FGF13: variants seen among roughly 807,000 people sequenced by gnomAD.
FGF13 encodes the protein fibroblast growth factor 13.
Under a neutral mutation model 19.5 loss-of-function variants are expected in FGF13, and 2 were observed. The ratio of observed to expected loss-of-function variants is 0.10; its 90% CI spans 0.04 to 0.32. The LOEUF (loss-of-function observed/expected upper bound fraction) is 0.32, where lower values mean the gene tolerates loss of function less well. Among genes scored for constraint, FGF13 ranks in the 10% least tolerant of loss-of-function variants. The pLI, the probability that FGF13 is intolerant of heterozygous loss-of-function variation, is 1.00. For synonymous variants in FGF13, 72 were observed against 76.9 expected (o/e 0.94, Z 0.33); for missense variants, 113 against 192.7 (o/e 0.59, Z 2.45).
intron 3 of FGF13, among the ~76,000 whole-genome samples, chrX:138,815,278 G>T (rs921111957): frequency 9.0e-6 from 1 of 110,721 alleles, no homozygotes; most frequent in Admixed American, 9.7e-5. Context: ...GATGATTATA[G>T]TTAATAATAC....
chrX:139,110,159 A>G (rs2083590352), intron 1 of FGF13, among the ~76,000 whole-genome samples: 1 of 110,673 alleles, frequency 9.0e-6, no homozygotes, highest in Admixed American at 9.7e-5. Flanking sequence ...TCAAATATTT[A>G]TGTATTTTAT....
intron 1 of FGF13, among the ~76,000 whole-genome samples, chrX:139,086,872 A>T (rs1045665135): frequency 8.9e-5 from 10 of 112,964 alleles, no homozygotes; most frequent in African/African-American, 2.9e-4. Flanking sequence ...CTAGACCAAA[A>T]TTTTAACAGA....
upstream of FGF13, among the ~76,000 whole-genome samples, chrX:138,741,896 A>G (rs750129092): frequency 8.9e-6 from 1 of 111,933 alleles, no homozygotes; most frequent in Non-Finnish European, 1.9e-5. Flanking sequence ...AGGTCACCCC[A>G]TCCTTTAAAA....
intron 1 of FGF13, among the ~76,000 whole-genome samples, chrX:139,144,048 G>C (rs947649111): frequency 2.7e-5 from 3 of 111,313 alleles, no homozygotes; most frequent in Non-Finnish European, 3.8e-5. Context: ...ACACACCAAA[G>C]CCAAGGAAAG....
rs182472384 is a variant in FGF13, at chrX:139,040,718, T to C, written c.-113+162698A>G. 7.4e-4 allele frequency among the ~76,000 whole-genome samples: 82 copies of C among 110,762 alleles called. 1 individual carries two copies. The highest frequency in any genetic ancestry group is 1.4e-3 in the Non-Finnish European group (73 of 53,011). ...ATTACTAGGTATACACCTGGAGAAA[T>C]ATAAATTATCCTATTATAAAGATGC... On this transcript the variant is annotated intron_variant, in intron 1 of 2. Transcript: ENST00000421460.
chrX:139,080,757 G>A (rs1347622656), intron 1 of FGF13, among the ~76,000 whole-genome samples: 4 of 110,550 alleles, frequency 3.6e-5, no homozygotes, highest in Admixed American at 1.9e-4. Flanking sequence ...CTCTTCCTTT[G>A]TCTCAACTGA....
intron 1 of FGF13, among the ~76,000 whole-genome samples, chrX:138,984,504 A>G (rs866018323): frequency 2.9e-4 from 13 of 44,711 alleles, no homozygotes; most frequent in South Asian, 1.3e-3. Context: ...GGAGAAGGAG[A>G]AGAAGAGGAA....
chrX:139,040,911 T>C (rs1193043258), intron 1 of FGF13, among the ~76,000 whole-genome samples: 1 of 110,576 alleles, frequency 9.0e-6, no homozygotes, highest in Non-Finnish European at 1.9e-5. Flanking sequence ...TGCAGGGATA[T>C]GGATGAAGTT....
At chrX:138,986,859 AG>A (rs1342770845) in intron 1 of FGF13, among the ~76,000 whole-genome samples, 1 of 112,529 alleles carries the variant, frequency 8.9e-6, no homozygotes, top group Admixed American at 9.4e-5. Context: ...AAATAGTCAT[AG>A]GAAGGAAACA....
At chrX:138,873,231 C>T (rs1168725251) in intron 1 of FGF13, among the ~76,000 whole-genome samples, 8 of 110,014 alleles carry the variant, frequency 7.3e-5, no homozygotes, top group Non-Finnish European at 1.5e-4. Context: ...CACTATAAGG[C>T]CAGAAAAAAA....
chrX:139,018,834 T>C (rs1441955901), intron 1 of FGF13, among the ~76,000 whole-genome samples: 1 of 110,556 alleles, frequency 9.0e-6, no homozygotes. Flanking sequence ...ATATGCCATA[T>C]AACTCACCCT....
At chrX:139,050,501 G>T (rs2092300717) in intron 1 of FGF13, among the ~76,000 whole-genome samples, 1 of 111,392 alleles carries the variant, frequency 9.0e-6, no homozygotes, top group East Asian at 2.8e-4. Context: ...AGAGTAAAAA[G>T]CAAAAATGAA....
At chrX:139,080,909 T>C (rs1603188160) in intron 1 of FGF13, among the ~76,000 whole-genome samples, 1 of 110,525 alleles carries the variant, frequency 9.0e-6, no homozygotes, top group African/African-American at 3.3e-5. Context: ...GCCCCTGTAA[T>C]TACTCCCTCT....
At chrX:138,891,810 C>G (rs144239529) in intron 1 of FGF13, among the ~76,000 whole-genome samples, 5,472 of 110,237 alleles carry the variant, frequency 0.05, 389 homozygotes, top group African/African-American at 0.17. Context: ...AAAGGAGAGA[C>G]AGGCCTAGCT....
chrX:139,093,932 T>C (rs2083454485), intron 1 of FGF13, among the ~76,000 whole-genome samples: 4 of 112,268 alleles, frequency 3.6e-5, no homozygotes, highest in Non-Finnish European at 7.5e-5. Context: ...TCAGGGTTTT[T>C]ATCTCTATCA....
At chrX:138,808,743 TA>T (rs1209114830) in intron 3 of FGF13, among the ~76,000 whole-genome samples, 1 of 110,640 alleles carries the variant, frequency 9.0e-6, no homozygotes, top group African/African-American at 3.3e-5. Context: ...ATAGATGCAA[TA>T]AAAAATGATA....
Position 138,620,951 on chromosome X carries a change from A to C in FGF13, c.*11899T>G, listed in dbSNP as rs1327196911. On this transcript the variant is annotated 3_prime_UTR_variant, in exon 5 of 5. Transcript: ENST00000315930. The stretch of plus-strand genomic sequence containing the variant: ...ACAAGATGCAATTTTGAATATATAC[A>C]CACCCAACATTGGATCACCTAAATA... The C allele has an allele frequency of 8.9e-6, 1 of 112,007 alleles. No individual in the cohort carries two copies. The highest frequency in any genetic ancestry group is 9.5e-5 in the Admixed American group (1 of 10,543). The allele number at this position is 112,007 out of a possible 1,213,427, so 9.2% of individuals were successfully genotyped here. A position where few individuals can be genotyped will look rare whatever the true frequency, so the allele number is the denominator to read the frequency against.
At chrX:138,814,272 C>T (rs1246130807) in intron 3 of FGF13, among the ~76,000 whole-genome samples, 11 of 109,748 alleles carry the variant, frequency 1.0e-4, no homozygotes, top group Admixed American at 3.9e-4. Context: ...GTGAAACACA[C>T]AAAAAATGAT....
chrX:139,056,152 A>G (rs1252025685), intron 1 of FGF13, among the ~76,000 whole-genome samples: 3 of 112,585 alleles, frequency 2.7e-5, no homozygotes, highest in African/African-American at 9.7e-5. Flanking sequence ...AGAATCTAAA[A>G]GTACCAACCA....
Sources: allele counts gnomAD v4.1 joint callset (sites outside exome capture counted in the v4.1 genomes callset), GRCh38; gene constraint gnomAD v4.1.1; transcripts MANE v1.5; gene names NCBI Gene and HGNC (gene_info 2026-07-23, HGNC 2026-07-21).